Variants in BTD observed in about 807,000 individuals in gnomAD.
The protein encoded by BTD is biotinidase.
In BTD, 13 loss-of-function variants were observed where a neutral mutation model predicts 17.7. The observed-to-expected ratio is 0.74, with a 90% CI of 0.48 to 1.17. BTD has a LOEUF of 1.17. BTD is among the 50% of genes most tolerant of loss of function. The pLI is 0.00. For synonymous variants in BTD, 240 were observed against 245.2 expected, an observed-to-expected ratio of 0.98 and a Z score of 0.20; for missense variants, 674 against 650.4, an observed-to-expected ratio of 1.04 and a Z score of -0.39.
At chr3:15,644,245 C>T in intron 3 of BTD, 71 bp from the exon 4 acceptor site, 2 of 1,494,452 alleles carry the variant, frequency 1.3e-6, no homozygotes, top group Non-Finnish European at 1.8e-6. Context: ...CATGATCCAC[C>T]CGCCTCAGCC....
At chr3:15,610,955 G>GA (rs34976221) in intron 1 of BTD, among the ~76,000 whole-genome samples, 4,088 of 96,150 alleles carry the variant, frequency 0.043, 134 homozygotes, top group African/African-American at 0.1. Context: ...GTCAGATTTA[G>GA]AAAAAAAAAA....
At chr3:15,677,009 T>G in intron 3 of BTD, 1 of 1,613,432 alleles carries the variant, frequency 6.2e-7, no homozygotes. Context: ...TGATGAGGTT[T>G]CTATCTGTTA....
chr3:15,631,291 C>T (rs2065197476), intron 1 of BTD: 1 of 695,628 alleles, frequency 1.4e-6, no homozygotes, highest in South Asian at 2.2e-5. Flanking sequence ...TTGCTATTCT[C>T]CCTGACAAGT....
intron 3 of BTD, among the ~76,000 whole-genome samples, chr3:15,702,352 TG>T (rs1325552401): frequency 6.6e-6 from 1 of 152,086 alleles, no homozygotes; most frequent in East Asian, 1.9e-4. Context: ...CATTAGAGGG[TG>T]GGGGCAGAAG....
At chr3:15,708,089 A>C (rs1233058616) in intron 3 of BTD, 2 of 1,579,810 alleles carry the variant, frequency 1.3e-6, no homozygotes, top group East Asian at 4.6e-5. Flanking sequence ...TTAATACAAG[A>C]AAGATAAAAG....
At chr3:15,617,294 T>C (rs2064821869) in intron 1 of BTD, among the ~76,000 whole-genome samples, 1 of 152,276 alleles carries the variant, frequency 6.6e-6, no homozygotes, top group African/African-American at 2.4e-5. Flanking sequence ...CATTTGCAGA[T>C]CAAAAGTTTT....
chr3:15,717,178 A>G (rs2073170104), downstream of BTD, among the ~76,000 whole-genome samples: 1 of 152,054 alleles, frequency 6.6e-6, no homozygotes. Context: ...AGGTCTTGCT[A>G]TATTGCTCAG....
Position 15,721,025 on chromosome 3 carries a change from T to A in BTD, c.1016-745T>A, listed in dbSNP as rs971054067. 4.3e-6 allele frequency: 7 copies of A among 1,613,816 alleles called. No homozygotes were observed. The African/African-American group carries it at 9.3e-5, about 22-fold the overall frequency. On this transcript the variant is annotated intron_variant, in intron 4 of 4. Transcript: ENST00000672427. ...GTAAATCCTTTTTCATTCTTTTGAT[T>A]CACAATAGCACCACAGTCTATAAGT...
At chr3:15,665,157 A>G (rs924202323) in intron 3 of BTD, among the ~76,000 whole-genome samples, 1 of 152,216 alleles carries the variant, frequency 6.6e-6, no homozygotes, top group Non-Finnish European at 1.5e-5. Context: ...GAGAAGTAAC[A>G]CAAAAAGAGG....
Position 15,670,382 on chromosome 3 carries a change from A to G in BTD, c.399+28325A>G, listed in dbSNP as rs368821167. The G allele has an allele frequency of 4.0e-5, 64 of 1,613,800 alleles. No homozygotes were observed. The highest frequency in any genetic ancestry group is 3.3e-4 in the Middle Eastern group (2 of 6,084). ...ATAGGAGCTAGGTTCATTCCTCATG[A>G]TGGGCAAAGCTTCAAAGCTGACTGT... On this transcript the variant is annotated intron_variant, in intron 3 of 3. Transcript: ENST00000672141.
downstream of BTD, among the ~76,000 whole-genome samples, chr3:15,716,718 TTTGA>T (rs987249545): frequency 1.3e-5 from 2 of 152,328 alleles, no homozygotes; most frequent in African/African-American, 2.4e-5. Flanking sequence ...GTAATAATAA[TTTGA>T]TTAACAAAAT....
intron 1 of BTD, among the ~76,000 whole-genome samples, chr3:15,607,863 A>C (rs866839614): frequency 6.6e-6 from 1 of 152,222 alleles, no homozygotes; most frequent in Admixed American, 6.5e-5. Flanking sequence ...GTGTTGTAGG[A>C]AATATGTCAA....
intron 1 of BTD, among the ~76,000 whole-genome samples, chr3:15,609,275 A>G (rs2064547523): frequency 1.3e-5 from 2 of 152,374 alleles, no homozygotes; most frequent in African/African-American, 2.4e-5. Context: ...CATCACAAAT[A>G]TAATGAAACC....
At chr3:15,640,981 C>T (rs1050429865) in intron 2 of BTD, among the ~76,000 whole-genome samples, 1 of 152,222 alleles carries the variant, frequency 6.6e-6, no homozygotes, top group Non-Finnish European at 1.5e-5. Context: ...TTCATGCCTT[C>T]TCTGCCTGCC....
intron 1 of BTD, chr3:15,602,133 A>C (rs551690948): frequency 7.0e-7 from 1 of 1,425,980 alleles, no homozygotes; most frequent in Admixed American, 2.9e-5. Context: ...TTGTGGTTTT[A>C]TAGTCCTTAA....
At chr3:15,702,535 T>C (rs1047250175) in intron 3 of BTD, among the ~76,000 whole-genome samples, 1 of 152,228 alleles carries the variant, frequency 6.6e-6, no homozygotes, top group African/African-American at 2.4e-5. Context: ...TTTTCCTCAA[T>C]GTTAGGCAAA....
intron 1 of BTD, among the ~76,000 whole-genome samples, chr3:15,623,324 T>C (rs944485488): frequency 2.0e-5 from 3 of 152,222 alleles, no homozygotes; most frequent in African/African-American, 7.2e-5. Context: ...AGACAACATA[T>C]AGTTGAGTCA....
intron 1 of BTD, among the ~76,000 whole-genome samples, chr3:15,611,034 G>C (rs1019672667): frequency 6.6e-6 from 1 of 150,726 alleles, no homozygotes; most frequent in East Asian, 1.9e-4. Flanking sequence ...TTTTTTTAGC[G>C]TAAGTATGTT....
At chr3:15,711,401 A>G in exon 4 of BTD, 2 of 693,048 alleles carry the variant, frequency 2.9e-6, no homozygotes, top group South Asian at 4.2e-5. Flanking sequence ...CTTAAGTGCT[A>G]GAGTGCCTGT....
Sources: gnomAD v4.1 joint callset for allele counts (sites outside exome capture counted in the v4.1 genomes callset) on GRCh38, gnomAD v4.1.1 for gene constraint, MANE v1.5 for transcripts, NCBI Gene and HGNC (gene_info 2026-07-23, HGNC 2026-07-21) for gene names.